TRIM37: variants seen among roughly 807,000 people sequenced by gnomAD.
TRIM37 encodes the protein E3 ubiquitin-protein ligase TRIM37.
Under a neutral mutation model 129.8 loss-of-function variants are expected in TRIM37, and 80 were observed. The ratio of observed to expected loss-of-function variants is 0.62; its 90% CI spans 0.51 to 0.74. The LOEUF (loss-of-function observed/expected upper bound fraction) is 0.74. Ranked by LOEUF, TRIM37 falls within the 30% of genes least tolerant of loss-of-function variation. The pLI, the probability that TRIM37 is intolerant of heterozygous loss-of-function variation, is 0.00. For synonymous variants in TRIM37, 389 were observed against 387.1 expected (o/e 1.00, Z -0.06); for missense variants, 1,054 against 1,176.5 (o/e 0.90, Z 1.52).
In TRIM37 at chr17:59,009,267, A is replaced by G. The variant is rs543312159; in HGVS notation, c.2695+3061T>C. Among the ~76,000 whole-genome samples, 599 of 151,974 alleles carry G rather than the reference A, an allele frequency of 3.9e-3. 5 individuals carry two copies. The highest frequency in any genetic ancestry group is 5.5e-3 in the Non-Finnish European group (377 of 67,982). On this transcript the variant is annotated intron_variant, in intron 22 of 23. Transcript: ENST00000262294. ...CTCAGCCTCTCGAGTAGCTGGGATT[A>G]TAGGAGTGTGCCACCATGCCTGGCT...
chr17:59,049,364 C>T lies in TRIM37; in HGVS notation c.1344G>A (p.Gln448=), dbSNP rs754637496. 6.2e-7 allele frequency: 1 copy of T among 1,614,064 alleles called. No homozygotes were observed. The highest frequency in any genetic ancestry group is 8.5e-7 in the Non-Finnish European group (1 of 1,180,028). The part of the protein sequence containing the change: ...ERLTIELSRT[Q]KSRDLSPPDN... ...CTGGTGGTGACAAATCTCTTGACTTCTGAGTTCGAGACAGCTCAATAGTAA... is the reference window on the plus strand; with the variant it reads ...CTGGTGGTGACAAATCTCTTGACTTTTGAGTTCGAGACAGCTCAATAGTAA... The change falls in exon 15 of 24, where the codon CAG becomes CAA. Residue 448 remains glutamine, a synonymous_variant. Transcript: ENST00000262294.
downstream of TRIM37, among the ~76,000 whole-genome samples, chr17:58,996,803 TG>T (rs1666125232): frequency 6.7e-6 from 1 of 149,220 alleles, no homozygotes; most frequent in Non-Finnish European, 1.5e-5. Context: ...TGTGTGTGTG[TG>T]TGTGTGTGTG....
chr17:59,045,244 G>A lies in TRIM37; in HGVS notation c.1667+2439C>T, dbSNP rs533934948. On this transcript the variant is annotated intron_variant, in intron 16 of 23. Transcript: ENST00000262294. ...CTTGGGAGACTGAGGCAGGAGAATG[G>A]TGTGAATCCAGAAGGCGGAGCTTGC... 2.0e-5 allele frequency among the ~76,000 whole-genome samples: 3 copies of A among 152,148 alleles called. No homozygotes were observed. In the South Asian group the frequency reaches 6.2e-4, roughly 32 times the overall value.
At chr17:59,051,776 G>T (rs1015085360) in intron 13 of TRIM37, among the ~76,000 whole-genome samples, 3 of 151,676 alleles carry the variant, frequency 2.0e-5, no homozygotes, top group African/African-American at 7.3e-5. Context: ...TGTCGCCCAG[G>T]CTGGAGTGCA....
At chr17:59,088,251 A>G in intron 4 of TRIM37, 40 bp downstream of exon 4, 1 of 1,395,162 alleles carries the variant, frequency 7.2e-7, no homozygotes, top group South Asian at 1.2e-5. Context: ...ATACAAAGGC[A>G]AAATCCATTC....
At chr17:59,090,214 T>C (rs973425374) in intron 3 of TRIM37, 4 of 152,144 alleles carry the variant, frequency 2.6e-5, no homozygotes, top group African/African-American at 9.7e-5. Flanking sequence ...AATATGGGCA[T>C]AAATAAATCA....
chr17:59,106,684 G>A lies in TRIM37; in HGVS notation c.-223C>T. ...GGCGCGCCCGCCCCGAGGCGCAGAA[G>A]TAGGGCGAACGGTGGCCGCAGCTCC... On this transcript the variant is annotated 5_prime_UTR_variant, in exon 1 of 24. Transcript: ENST00000262294. 1 of 608,970 alleles carries A rather than the reference G, an allele frequency of 1.6e-6. No homozygotes were observed. The highest frequency in any genetic ancestry group is 2.9e-6 in the Non-Finnish European group (1 of 343,094). 37.7% of individuals were successfully genotyped at this position (608,970 alleles called of 1,614,324 possible). A position where few individuals can be genotyped will look rare whatever the true frequency, so the allele number is the denominator to read the frequency against.
downstream of TRIM37, among the ~76,000 whole-genome samples, chr17:58,994,742 CTT>C (rs907731040): frequency 6.7e-6 from 1 of 150,322 alleles, no homozygotes; most frequent in Non-Finnish European, 1.5e-5. Context: ...TATACATTTT[CTT>C]TCTTTCTTTT....
Position 59,028,738 on chromosome 17 carries a change from A to C in TRIM37, c.1949-15T>G, listed in dbSNP as rs1326638842. ...AGAATATGATGCTTCAGAGAAATTG[A>C]CAAGTCATGTTAACATAAACGTTAA... On this transcript the variant is annotated splice_polypyrimidine_tract_variant and intron_variant, in intron 18 of 23. Coordinates refer to ENST00000262294, the MANE Select transcript of TRIM37 (RefSeq NM_015294.6). 6.2e-7 allele frequency: 1 copy of C among 1,613,826 alleles called. No individual in the cohort carries two copies. The highest frequency in any genetic ancestry group is 1.1e-5 in the South Asian group (1 of 91,068).
intron 14 of TRIM37, 48 bp from the exon 15 acceptor site, chr17:59,049,441 A>G (rs2040140919): frequency 1.3e-6 from 2 of 1,500,474 alleles, no homozygotes; most frequent in Admixed American, 1.7e-5. Flanking sequence ...TCACTGGCAC[A>G]GTAAAAGATG....
At chr17:59,033,879 A>G (rs1424622744) in intron 17 of TRIM37, among the ~76,000 whole-genome samples, 4 of 151,714 alleles carry the variant, frequency 2.6e-5, no homozygotes, top group Non-Finnish European at 1.5e-5. Flanking sequence ...GCACTTTGGG[A>G]GGCCAAGGTG....
intron 9 of TRIM37, among the ~76,000 whole-genome samples, chr17:59,067,722 G>T (rs2042028028): frequency 6.6e-6 from 1 of 152,102 alleles, no homozygotes; most frequent in African/African-American, 2.4e-5. Flanking sequence ...TTTTAGTAGA[G>T]ATGGGGTTTC....
intron 4 of TRIM37, chr17:59,088,064 G>T: frequency 1.7e-6 from 1 of 596,960 alleles, no homozygotes; most frequent in South Asian, 2.1e-5. Flanking sequence ...TGGGGGGAGG[G>T]GAGGGCGAGA....
At chr17:59,078,380 C>T (rs892856362) in intron 7 of TRIM37, among the ~76,000 whole-genome samples, 2 of 152,078 alleles carry the variant, frequency 1.3e-5, no homozygotes, top group African/African-American at 2.4e-5. Flanking sequence ...AGTTATTTCA[C>T]AGTTATACAG....
chr17:59,100,327 A>T (rs921976959), intron 2 of TRIM37, among the ~76,000 whole-genome samples: 2 of 152,210 alleles, frequency 1.3e-5, no homozygotes, highest in African/African-American at 4.8e-5. Context: ...CTGTAATAGC[A>T]AAAACTGTAA....
chr17:58,998,085 C>T (rs1264902132), downstream of TRIM37: 16 of 443,032 alleles, frequency 3.6e-5, no homozygotes, highest in Middle Eastern at 1.1e-3. Flanking sequence ...CATCACTCCT[C>T]GCCATTAGAC....
chr17:59,018,967 C>T (rs2036262376), intron 19 of TRIM37, among the ~76,000 whole-genome samples: 1 of 152,024 alleles, frequency 6.6e-6, no homozygotes, highest in South Asian at 2.1e-4. Context: ...GATGCCAAGA[C>T]AATGCAATGG....
In TRIM37 at chr17:59,081,056, A is replaced by T. The variant is rs1317493442; in HGVS notation, c.492+41T>A. The T allele has an allele frequency of 2.3e-6, 3 of 1,324,834 alleles. No individual in the cohort carries two copies. The South Asian group carries it at 4.4e-5, about 19-fold the overall frequency. The allele number at this position is 1,324,834 out of a possible 1,614,324, so 82.1% of individuals were successfully genotyped here. A position where few individuals can be genotyped will look rare whatever the true frequency, so the allele number is the denominator to read the frequency against. On this transcript the variant is annotated intron_variant, in intron 6 of 23. Transcript: ENST00000262294. ...ATATAAATATATTATTATATATTAC[A>T]GATTAAAAACAAAATAATTATATTT...
At chr17:59,016,599 CAAAAAAAAAAAAA>C (rs57582105) in intron 20 of TRIM37, among the ~76,000 whole-genome samples, 16 of 20,766 alleles carry the variant, frequency 7.7e-4, no homozygotes, top group South Asian at 3.1e-3. Flanking sequence ...CCTGTCTCGG[CAAAAAAAAAAAAA>C]AAAAAAAAAA....
Sources: allele counts gnomAD v4.1 joint callset (sites outside exome capture counted in the v4.1 genomes callset), GRCh38; gene constraint gnomAD v4.1.1; transcripts MANE v1.5; gene names NCBI Gene and HGNC (gene_info 2026-07-23, HGNC 2026-07-21).